EFCAB13: variants seen among roughly 807,000 people sequenced by gnomAD.
EFCAB13 encodes the protein EF-hand calcium binding domain 13.
EFCAB13 carries 91 observed loss-of-function variants against 110.2 expected under a neutral mutation model. The observed-to-expected ratio is 0.83, with a 90% CI of 0.70 to 0.98. EFCAB13 has a LOEUF of 0.98. Among genes scored for constraint, EFCAB13 ranks in the 50% least tolerant of loss-of-function variants. The probability of loss-of-function intolerance (pLI) is 0.00; values close to 1 mark genes in which losing one functional copy is unlikely to be tolerated. For synonymous variants in EFCAB13, 323 were observed against 369.9 expected, an observed-to-expected ratio of 0.87 and a Z score of 1.45; for missense variants, 968 against 1,119.4, an observed-to-expected ratio of 0.86 and a Z score of 1.93.
At position 47,370,419 on chromosome 17, in the gene EFCAB13, G is replaced by T; in HGVS notation, c.806-18G>T. 1 of 1,494,604 alleles carries T rather than the reference G, an allele frequency of 6.7e-7. No homozygotes were observed. The highest frequency in any genetic ancestry group is 1.1e-5 in the South Asian group (1 of 87,520). The allele number at this position is 1,494,604 out of a possible 1,614,324, so 92.6% of individuals were successfully genotyped here. A position where few individuals can be genotyped will look rare whatever the true frequency, so the allele number is the denominator to read the frequency against. ...ATGTTCAAAAGTAAATACAGTATTT[G>T]AACTTATTCTATTACAGGTAACCAC... On this transcript the variant is annotated intron_variant, in intron 10 of 24. Transcript: ENST00000331493.
chr17:47,391,554 A>G lies in EFCAB13; in HGVS notation c.1700A>G (p.Lys567Arg), dbSNP rs554542366. ...TACCTTTCTAAGCCAGAATTTAAGAAGATCACAGAACTGACTGAAGCTGGT... is the reference window on the plus strand; with the variant it reads ...TACCTTTCTAAGCCAGAATTTAAGAGGATCACAGAACTGACTGAAGCTGGT... ...GIYLSKPEFK[K>R]ITELTEAGET... The change falls in exon 15 of 25, where the codon AAG becomes AGG. Residue 567 changes from lysine (K) to arginine (R), a missense_variant. Transcript: ENST00000331493. 286 of 1,591,442 alleles carry G rather than the reference A, an allele frequency of 1.8e-4. 3 individuals are homozygous for G. The South Asian group carries it at 3.2e-3, about 18-fold the overall frequency.
chr17:47,375,490 C>T (rs1190973912), intron 12 of EFCAB13, among the ~76,000 whole-genome samples: 1 of 150,842 alleles, frequency 6.6e-6, no homozygotes, highest in Non-Finnish European at 1.5e-5. Context: ...AGACGGGGGT[C>T]CCATAATGTT....
At chr17:47,327,861 C>T (rs187629450) in intron 3 of EFCAB13, among the ~76,000 whole-genome samples, 141 of 152,314 alleles carry the variant, frequency 9.3e-4, no homozygotes, top group African/African-American at 3.2e-3. Flanking sequence ...TCTGTCTCTA[C>T]TATTTGCTGG....
intron 14 of EFCAB13, among the ~76,000 whole-genome samples, chr17:47,389,757 G>A (rs1401427895): frequency 6.6e-6 from 1 of 151,990 alleles, no homozygotes; most frequent in African/African-American, 2.4e-5. Flanking sequence ...CTGAGCTGAT[G>A]AAAGAAAAAT....
intron 12 of EFCAB13, among the ~76,000 whole-genome samples, chr17:47,377,348 G>A (rs531314428): frequency 2.8e-4 from 42 of 152,142 alleles, no homozygotes; most frequent in South Asian, 6.2e-4. Context: ...TTTTAGTAGA[G>A]ACAGGGTTTC....
At chr17:47,386,200 A>G (rs1474192972) in intron 14 of EFCAB13, among the ~76,000 whole-genome samples, 3 of 152,276 alleles carry the variant, frequency 2.0e-5, no homozygotes, top group Non-Finnish European at 2.9e-5. Flanking sequence ...CTCTCTTCAG[A>G]GTCAGCAGGC....
At chr17:47,403,365 C>T (rs2065788817) in intron 18 of EFCAB13, among the ~76,000 whole-genome samples, 1 of 152,130 alleles carries the variant, frequency 6.6e-6, no homozygotes, top group Non-Finnish European at 1.5e-5. Context: ...CACAGTTGCA[C>T]AGTTCCAGGT....
chr17:47,437,638 G>C (rs1050666922), intron 24 of EFCAB13, among the ~76,000 whole-genome samples: 8 of 152,224 alleles, frequency 5.3e-5, no homozygotes, highest in Admixed American at 5.2e-4. Flanking sequence ...TTTACTTTAA[G>C]TTTATTTGAG....
Position 47,325,030 on chromosome 17 carries a change from C to CT in EFCAB13, c.-248+519dup, listed in dbSNP as rs1555575633. Among the ~76,000 whole-genome samples, 100 of 116,774 alleles carry CT rather than the reference C, an allele frequency of 8.6e-4. 22 individuals are homozygous for CT. The highest frequency in any genetic ancestry group is 2.1e-3 in the African/African-American group (68 of 31,854). 76.6% of individuals were successfully genotyped at this position (116,774 alleles called of 152,430 possible). On this transcript the variant is annotated intron_variant, in intron 2 of 24. Transcript: ENST00000331493. The stretch of plus-strand genomic sequence containing the variant: ...GATCTTAACCGCCCACCCCACCCCC[C>CT]TTTTTTTTTTTTGAGACAAGGTCTC...
chr17:47,385,289 G>A (rs78710173), intron 14 of EFCAB13, among the ~76,000 whole-genome samples: 3 of 152,022 alleles, frequency 2.0e-5, no homozygotes, highest in Admixed American at 1.3e-4. Flanking sequence ...CTAATCAATC[G>A]TAGGTTTGGT....
chr17:47,409,979 T>C (rs1449354011), intron 21 of EFCAB13, among the ~76,000 whole-genome samples: 1 of 152,178 alleles, frequency 6.6e-6, no homozygotes, highest in African/African-American at 2.4e-5. Context: ...CTTTAGTTCC[T>C]TAGATACTCC....
At chr17:47,404,137 T>C in intron 19 of EFCAB13, 116 bp downstream of exon 19, 1 of 827,572 alleles carries the variant, frequency 1.2e-6, no homozygotes, top group Non-Finnish European at 1.8e-6. Flanking sequence ...ACGGAGCCTT[T>C]CCTCTTAATT....
At position 47,370,468 on chromosome 17, in the gene EFCAB13, ATTTAC is replaced by A; in HGVS notation, c.841_845del (p.Thr281GlufsTer2). Reference sequence around the variant, plus strand: ...ACATGGTGGATATTGGGGATATTATATTTACTTTGAATGAGCTACAGGAACAGTAT... The same window carrying A: ...ACATGGTGGATATTGGGGATATTATATTTGAATGAGCTACAGGAACAGTAT... On this transcript the variant is annotated frameshift_variant, in exon 11 of 25. Transcript: ENST00000331493. LOFTEE classifies it high-confidence loss of function. The A allele has an allele frequency of 6.2e-7, 1 of 1,607,132 alleles. No homozygotes were observed. Among genetic ancestry groups the A allele is most frequent in the Non-Finnish European group, 8.5e-7 (1 of 1,174,060 alleles).
rs759740842 is a variant in EFCAB13, at chr17:47,440,550, G to A, written c.2758G>A (p.Ala920Thr). ...TTATTGCCCAGATCTAGAAAGGCAA[G>A]CAGTGGTTTACATGTTAAAAACAAT... is the stretch of plus-strand genomic sequence containing the variant. The part of the protein sequence containing the change: ...CTYCPDLERQ[A>T]VVYMLKTIQD... Residue 920 changes from alanine to threonine, a missense_variant, in exon 25 of 25, where the codon GCA (alanine) becomes ACA (threonine). Physicochemically the swap from Ala to Thr is moderately conservative, Grantham distance 58 (BLOSUM62 0). Coordinates refer to ENST00000331493, the MANE Select transcript of EFCAB13 (RefSeq NM_152347.5). The A allele has an allele frequency of 1.9e-6, 3 of 1,613,212 alleles. No individual in the cohort carries two copies. Among genetic ancestry groups the A allele is most frequent in the Non-Finnish European group, 1.7e-6 (2 of 1,179,640 alleles).
In EFCAB13 at chr17:47,361,384, A is replaced by G. The variant is rs1290228012; in HGVS notation, c.668A>G (p.Gln223Arg). The G allele has an allele frequency of 6.2e-7, 1 of 1,612,646 alleles. No individual in the cohort carries two copies. Among genetic ancestry groups the G allele is most frequent in the Admixed American group, 1.7e-5 (1 of 59,904 alleles). The change falls in exon 10 of 25, where the codon CAG becomes CGG. Residue 223 changes from glutamine (Q) to arginine (R), a missense_variant. Coordinates refer to ENST00000331493, the MANE Select transcript of EFCAB13 (RefSeq NM_152347.5). ...AATAATTTCTTTTTTGCAGCATTCC[A>G]GGATGCCTTGAAGATTTTCTGTAGG... ...ALKTVDIDAF[Q>R]DALKIFCRIK... is the part of the protein sequence containing the mutation.
At chr17:47,335,884 C>T (rs377136561) in intron 5 of EFCAB13, among the ~76,000 whole-genome samples, 132 of 152,310 alleles carry the variant, frequency 8.7e-4, no homozygotes, top group African/African-American at 3.1e-3. Context: ...TACCAGGTCT[C>T]TCCCCCAATA....
rs1006162609 is a variant in EFCAB13, at chr17:47,379,100, A to T, written c.1511-82A>T. On this transcript the variant is annotated intron_variant, in intron 13 of 24. Coordinates refer to ENST00000331493, the MANE Select transcript of EFCAB13 (RefSeq NM_152347.5). ...TGAAATGAAGGATCAAGTAAATTTT[A>T]AAAATAGTTGTGTTAAAATGTAAAT... 1.6e-5 allele frequency: 16 copies of T among 991,376 alleles called. No homozygotes were observed. The Admixed American group carries it at 2.8e-4, about 17-fold the overall frequency. 61.4% of individuals were successfully genotyped at this position (991,376 alleles called of 1,614,324 possible). A position where few individuals can be genotyped will look rare whatever the true frequency, so the allele number is the denominator to read the frequency against.
chr17:47,413,724 A>C (rs1904328009), intron 22 of EFCAB13, among the ~76,000 whole-genome samples: 1 of 151,164 alleles, frequency 6.6e-6, no homozygotes, highest in Admixed American at 6.6e-5. Flanking sequence ...TCAATTTCTC[A>C]CAAGAGATTT....
chr17:47,414,469 C>T (rs921641271), intron 22 of EFCAB13, among the ~76,000 whole-genome samples: 13 of 149,932 alleles, frequency 8.7e-5, no homozygotes, highest in African/African-American at 1.7e-4. Context: ...GCAGAGATTG[C>T]GCCACTGCAC....
Sources: allele counts gnomAD v4.1 joint callset (sites outside exome capture counted in the v4.1 genomes callset), GRCh38; gene constraint gnomAD v4.1.1; transcripts MANE v1.5; gene names NCBI Gene and HGNC (gene_info 2026-07-23, HGNC 2026-07-21).